The following HRH1 variants were observed in gnomAD, a reference collection of about 807,000 sequenced individuals.
HRH1 encodes histamine H1 receptor.
A neutral mutation model predicts 10.3 loss-of-function variants in HRH1; 6 were observed. The ratio of observed to expected loss-of-function variants is 0.58; its 90% CI spans 0.32 to 1.15. HRH1 has a LOEUF of 1.15. HRH1 is among the 50% of genes most tolerant of loss of function. The pLI is 0.05. For synonymous variants in HRH1, 242 were observed against 236.7 expected (o/e 1.02, Z -0.21); for missense variants, 514 against 615.3 (o/e 0.84, Z 1.74).
At chr3:11,199,037 C>T (rs1165610392) in intron 1 of HRH1, among the ~76,000 whole-genome samples, 1 of 151,856 alleles carries the variant, frequency 6.6e-6, no homozygotes, top group Non-Finnish European at 1.5e-5. Flanking sequence ...AACTCTCATA[C>T]CTCATCCTCC....
intron 1 of HRH1, among the ~76,000 whole-genome samples, chr3:11,181,526 T>A (rs1937352648): frequency 6.6e-6 from 1 of 152,140 alleles, no homozygotes. Context: ...TCATTGTGGT[T>A]TTGATTTGCA....
intron 1 of HRH1, among the ~76,000 whole-genome samples, chr3:11,183,689 C>T (rs984851675): frequency 2.0e-5 from 3 of 151,626 alleles, no homozygotes; most frequent in Admixed American, 1.3e-4. Flanking sequence ...CTTTTTGTGC[C>T]GTTTGCCTTT....
intron 1 of HRH1, among the ~76,000 whole-genome samples, chr3:11,209,976 C>T (rs1251555815): frequency 1.3e-5 from 2 of 152,188 alleles, no homozygotes; most frequent in African/African-American, 2.4e-5. Context: ...CAAGTTAGAT[C>T]GCATCAAATG....
intron 1 of HRH1, among the ~76,000 whole-genome samples, chr3:11,190,929 C>G (rs999996745): frequency 6.6e-6 from 1 of 152,232 alleles, no homozygotes; most frequent in South Asian, 2.1e-4. Flanking sequence ...ATGCTGCCTC[C>G]GAGGCCACAC....
At chr3:11,243,164 T>C (rs1939394641) in intron 1 of HRH1, among the ~76,000 whole-genome samples, 1 of 152,214 alleles carries the variant, frequency 6.6e-6, no homozygotes. Flanking sequence ...TCCACCTGCT[T>C]TGGCCTCCCA....
Position 11,259,771 on chromosome 3 carries a change from A to G in HRH1, c.734A>G (p.Lys245Arg), listed in dbSNP as rs371209972. 1.5e-5 allele frequency: 25 copies of G among 1,613,854 alleles called. No homozygotes were observed. The highest frequency in any genetic ancestry group is 1.7e-5 in the Non-Finnish European group (20 of 1,180,012). Residue 245 changes from lysine (K) to arginine (R), a missense_variant, in exon 2 of 2, where the codon AAG becomes AGG. Transcript: ENST00000431010. This position sits in a 1 kb window ranked among gnomAD's most constrained non-coding sequence, Gnocchi z 4.6. ...ATTAAGCTGAGGCCAGAGAACCCCAAGGGGGATGCCAAGAAACCAGGGAAG... is the reference window on the plus strand; with the variant it reads ...ATTAAGCTGAGGCCAGAGAACCCCAGGGGGGATGCCAAGAAACCAGGGAAG... ...SEIKLRPENP[K>R]GDAKKPGKES...
chr3:11,143,360 T>C (rs1368849172), intron 1 of HRH1, among the ~76,000 whole-genome samples: 1 of 152,184 alleles, frequency 6.6e-6, no homozygotes, highest in Non-Finnish European at 1.5e-5. Flanking sequence ...CTGAGAAGGC[T>C]TGTATGACTT....
chr3:11,246,359 TGGCTTTATCCTCAGAGAGG>T (rs1353122627), intron 1 of HRH1, among the ~76,000 whole-genome samples: 1 of 152,234 alleles, frequency 6.6e-6, no homozygotes, highest in Non-Finnish European at 1.5e-5. Flanking sequence ...TCCATAGGCA[TGGCTTTATCCTCAGAGAGG>T]GCACCTCAGA....
chr3:11,212,105 C>T (rs1938346020), intron 1 of HRH1, among the ~76,000 whole-genome samples: 1 of 152,096 alleles, frequency 6.6e-6, no homozygotes, highest in East Asian at 1.9e-4. Context: ...GCTTGCTGTC[C>T]TGCCGTGAAA....
intron 1 of HRH1, among the ~76,000 whole-genome samples, chr3:11,218,175 G>A (rs918921935): frequency 1.1e-4 from 17 of 152,156 alleles, no homozygotes; most frequent in Non-Finnish European, 2.2e-4. Flanking sequence ...GGCCAGGCGC[G>A]GTGGCTCACG....
intron 1 of HRH1, among the ~76,000 whole-genome samples, chr3:11,195,014 A>G (rs1030715749): frequency 1.3e-5 from 2 of 152,148 alleles, no homozygotes; most frequent in Non-Finnish European, 1.5e-5. Context: ...TGCATACCAC[A>G]CTTTGGGGTG....
At chr3:11,165,357 G>A (rs187881507) in intron 1 of HRH1, among the ~76,000 whole-genome samples, 16 of 152,276 alleles carry the variant, frequency 1.1e-4, no homozygotes, top group Admixed American at 3.3e-4. Context: ...TCTAGGTACT[G>A]GGCATATATC....
chr3:11,219,590 G>A (rs1322547009), intron 1 of HRH1, among the ~76,000 whole-genome samples: 1 of 151,840 alleles, frequency 6.6e-6, no homozygotes, highest in Non-Finnish European at 1.5e-5. Context: ...GTGTGTGCCT[G>A]CAGTCCTAGC....
intron 1 of HRH1, among the ~76,000 whole-genome samples, chr3:11,235,011 C>T (rs568453849): frequency 6.6e-6 from 1 of 152,062 alleles, no homozygotes; most frequent in Admixed American, 6.5e-5. Flanking sequence ...GTCAGGAGAT[C>T]GAGACCATCC....
intron 1 of HRH1, among the ~76,000 whole-genome samples, chr3:11,160,979 G>A (rs1936911939): frequency 6.6e-6 from 1 of 152,230 alleles, no homozygotes; most frequent in African/African-American, 2.4e-5. Context: ...AATGGGAAGA[G>A]GAGAGTTGTT....
chr3:11,232,326 A>G (rs1373874024), intron 1 of HRH1, among the ~76,000 whole-genome samples: 1 of 152,044 alleles, frequency 6.6e-6, no homozygotes, highest in Non-Finnish European at 1.5e-5. Flanking sequence ...TAGGTTGTTC[A>G]TTTTTTGCCT....
intron 1 of HRH1, among the ~76,000 whole-genome samples, chr3:11,148,797 G>A (rs544138184): frequency 1.2e-3 from 163 of 140,398 alleles, no homozygotes; most frequent in Admixed American, 1.8e-3. Flanking sequence ...GTTATTAAGA[G>A]ACAAACCACA....
chr3:11,167,090 C>A (rs1409443594), intron 1 of HRH1, among the ~76,000 whole-genome samples: 1 of 149,926 alleles, frequency 6.7e-6, no homozygotes, highest in African/African-American at 2.5e-5. Context: ...TTCTCCAGGC[C>A]TGTGACATCT....
intron 1 of HRH1, among the ~76,000 whole-genome samples, chr3:11,184,590 G>A (rs895879641): frequency 1.3e-5 from 2 of 151,990 alleles, no homozygotes; most frequent in African/African-American, 2.4e-5. Context: ...CTAACACGCC[G>A]AGATAATGAT....
Sources: allele counts gnomAD v4.1 joint callset (sites outside exome capture counted in the v4.1 genomes callset), GRCh38; gene constraint gnomAD v4.1.1; non-coding constraint Gnocchi (gnomAD v3.1); transcripts MANE v1.5; gene names NCBI Gene and HGNC (gene_info 2026-07-23, HGNC 2026-07-21).